PKIB: variants seen among roughly 807,000 people sequenced by gnomAD.
The protein encoded by PKIB is PKI-beta.
Under a neutral mutation model 4.5 loss-of-function variants are expected in PKIB, and 2 were observed. The ratio of observed to expected loss-of-function variants is 0.44; its 90% CI spans 0.18 to 1.39. The LOEUF (loss-of-function observed/expected upper bound fraction) is 1.39, where lower values mean the gene tolerates loss of function less well. Among genes scored for constraint, PKIB ranks in the 40% most tolerant of loss-of-function variants. The pLI is 0.27. For synonymous variants in PKIB, 38 were observed against 36.0 expected (o/e 1.06, Z -0.20); for missense variants, 94 against 92.6 (o/e 1.02, Z -0.06).
chr6:122,703,644 A>T (rs1468693121), intron 3 of PKIB, among the ~76,000 whole-genome samples: 1 of 151,952 alleles, frequency 6.6e-6, no homozygotes, highest in Non-Finnish European at 1.5e-5. Context: ...GACACAGCTG[A>T]AGAGAGAATA....
At chr6:122,625,925 C>A (rs1366592018) in intron 1 of PKIB, among the ~76,000 whole-genome samples, 2 of 152,174 alleles carry the variant, frequency 1.3e-5, no homozygotes, top group South Asian at 4.1e-4. Flanking sequence ...AACAATTAGT[C>A]AGGTGTTGTG....
intron 4 of PKIB, 61 bp from the exon 5 acceptor site, chr6:122,725,067 C>T: frequency 2.3e-6 from 3 of 1,289,938 alleles, no homozygotes; most frequent in Non-Finnish European, 3.3e-6. Flanking sequence ...TGGTTTTATT[C>T]TAACATAATA....
At chr6:122,594,332 C>G (rs550866143) in intron 3 of PKIB, among the ~76,000 whole-genome samples, 1 of 151,838 alleles carries the variant, frequency 6.6e-6, no homozygotes, top group Non-Finnish European at 1.5e-5. Context: ...CTCAGCCTCC[C>G]GAAAGCTGAG....
At chr6:122,611,645 T>G (rs1273217714) in intron 1 of PKIB, among the ~76,000 whole-genome samples, 1 of 152,258 alleles carries the variant, frequency 6.6e-6, no homozygotes, top group African/African-American at 2.4e-5. Flanking sequence ...CTGTCCACTT[T>G]ATCTCTTCAC....
At chr6:122,555,415 G>T (rs1476238096) in intron 2 of PKIB, among the ~76,000 whole-genome samples, 1 of 151,922 alleles carries the variant, frequency 6.6e-6, no homozygotes, top group Non-Finnish European at 1.5e-5. Flanking sequence ...TTTGAAGGAG[G>T]TTTTTGGCTA....
At chr6:122,520,661 T>TTCCCTCC (rs1562237597) in intron 2 of PKIB, among the ~76,000 whole-genome samples, 1 of 55,548 alleles carries the variant, frequency 1.8e-5, no homozygotes, top group Non-Finnish European at 3.8e-5. Flanking sequence ...AAGTTTATGT[T>TTCCCTCC]CCCACCCCCC....
chr6:122,523,799 G>C (rs1229189854), intron 2 of PKIB, among the ~76,000 whole-genome samples: 1 of 151,494 alleles, frequency 6.6e-6, no homozygotes, highest in Non-Finnish European at 1.5e-5. Context: ...AAAAAAAAAG[G>C]ATGTTCCCCT....
At chr6:122,501,259 A>C (rs942782561) in intron 2 of PKIB, among the ~76,000 whole-genome samples, 2 of 152,192 alleles carry the variant, frequency 1.3e-5, no homozygotes, top group African/African-American at 4.8e-5. Context: ...TAATATCAAA[A>C]TCAAGTTAGT....
intron 2 of PKIB, among the ~76,000 whole-genome samples, chr6:122,649,289 C>A (rs906748065): frequency 3.3e-5 from 5 of 152,190 alleles, no homozygotes; most frequent in African/African-American, 1.2e-4. Context: ...AGAATGAACA[C>A]CCAGCTTCAC....
intron 2 of PKIB, among the ~76,000 whole-genome samples, chr6:122,499,031 A>G (rs1220746366): frequency 6.6e-6 from 1 of 152,220 alleles, no homozygotes. Context: ...TGAAAGCCTG[A>G]ACTGACCAAT....
intron 3 of PKIB, chr6:122,701,174 C>T: frequency 8.6e-6 from 3 of 350,644 alleles, no homozygotes; most frequent in Non-Finnish European, 1.1e-5. Context: ...AAGGTCACTA[C>T]CTTTGCATGA....
intron 2 of PKIB, among the ~76,000 whole-genome samples, chr6:122,663,499 A>G (rs527336337): frequency 3.3e-4 from 51 of 152,298 alleles, no homozygotes; most frequent in African/African-American, 1.2e-3. Context: ...ATTTGCTCAT[A>G]GTTCTGGAGG....
intron 2 of PKIB, among the ~76,000 whole-genome samples, chr6:122,532,764 C>T (rs1777297120): frequency 6.6e-6 from 1 of 152,144 alleles, no homozygotes; most frequent in Non-Finnish European, 1.5e-5. Context: ...TCCACCCATC[C>T]TTTGACAGAC....
rs1334907501 is a variant in PKIB at position 122,584,619 on chromosome 6, T to C, written c.-247-1302T>C. On this transcript the variant is annotated intron_variant, in intron 2 of 6. Transcript: ENST00000392491. ...TGTCATGTAGACTTAAATACAGTTTTAATGAACAGAACTGAAGAAAAATTG... is the reference window on the plus strand; with the variant it reads ...TGTCATGTAGACTTAAATACAGTTTCAATGAACAGAACTGAAGAAAAATTG... Among the ~76,000 whole-genome samples the C allele has an allele frequency of 3.9e-5, 6 of 152,290 alleles. 1 individual carries two copies. Among genetic ancestry groups the C allele is most frequent in the African/African-American group, 1.4e-4 (6 of 41,572 alleles).
At chr6:122,675,227 G>A (rs1170925717) in intron 3 of PKIB, 83 bp downstream of exon 3, 15 of 152,556 alleles carry the variant, frequency 9.8e-5, no homozygotes, top group Admixed American at 9.8e-4. Flanking sequence ...ACACTTGACA[G>A]GAAATGGATA....
intron 1 of PKIB, among the ~76,000 whole-genome samples, chr6:122,611,318 C>T (rs1369758065): frequency 6.6e-6 from 1 of 152,168 alleles, no homozygotes; most frequent in Non-Finnish European, 1.5e-5. Context: ...GACCGGTCTT[C>T]GTAGAGCTCC....
intron 2 of PKIB, among the ~76,000 whole-genome samples, chr6:122,648,854 T>C (rs909711307): frequency 2.0e-5 from 3 of 152,188 alleles, no homozygotes; most frequent in Non-Finnish European, 4.4e-5. Flanking sequence ...TGCTGGCAGA[T>C]TGGCCACTCA....
chr6:122,695,514 T>C (rs1778537537), intron 3 of PKIB, among the ~76,000 whole-genome samples: 1 of 152,176 alleles, frequency 6.6e-6, no homozygotes, highest in African/African-American at 2.4e-5. Flanking sequence ...ATCAGATGAA[T>C]TACTGAAACA....
At chr6:122,559,126 A>G (rs1234620651) in intron 2 of PKIB, among the ~76,000 whole-genome samples, 1 of 152,094 alleles carries the variant, frequency 6.6e-6, no homozygotes, top group African/African-American at 2.4e-5. Flanking sequence ...TATATATGAC[A>G]AAGGACTGAT....
Sources: gnomAD v4.1 joint callset for allele counts (sites outside exome capture counted in the v4.1 genomes callset) on GRCh38, gnomAD v4.1.1 for gene constraint, MANE v1.5 for transcripts, NCBI Gene and HGNC (gene_info 2026-07-23, HGNC 2026-07-21) for gene names.